TYMS: variants seen among roughly 807,000 people sequenced by gnomAD.
TYMS encodes the protein thymidylate synthetase.
A neutral mutation model predicts 39.3 loss-of-function variants in TYMS; 21 were observed. The observed-to-expected ratio is 0.54, with a 90% CI of 0.38 to 0.77. The LOEUF is 0.77. Among genes scored for constraint, TYMS ranks in the 30% least tolerant of loss-of-function variants. The pLI is 0.00. For synonymous variants in TYMS, 171 were observed against 162.2 expected, an observed-to-expected ratio of 1.05 and a Z score of -0.41; for missense variants, 273 against 406.7, an observed-to-expected ratio of 0.67 and a Z score of 2.83.
Position 658,215 on chromosome 18 carries a change from C to T in TYMS, c.205+268C>T, listed in dbSNP as rs2074713221. 1 of 1,521,410 alleles carries T rather than the reference C, an allele frequency of 6.6e-7. No individual in the cohort carries two copies. Among genetic ancestry groups the T allele is most frequent in the Non-Finnish European group, 8.9e-7 (1 of 1,127,824 alleles). The allele number at this position is 1,521,410 out of a possible 1,614,324, so 94.2% of individuals were successfully genotyped here. A position where few individuals can be genotyped will look rare whatever the true frequency, so the allele number is the denominator to read the frequency against. Reference sequence around the variant, plus strand: ...TCCGCGGCCGGGCTCGCAGTCGCCCCAGTGATGCCGTGGCCCCCGAGGCGG... The same window carrying T: ...TCCGCGGCCGGGCTCGCAGTCGCCCTAGTGATGCCGTGGCCCCCGAGGCGG... On this transcript the variant is annotated intron_variant, in intron 1 of 6. Transcript: ENST00000323274. This position sits in a 1 kb window ranked among gnomAD's most constrained non-coding sequence, Gnocchi z 4.5.
Position 658,535 on chromosome 18 carries a change from AGT to A in TYMS, c.205+589_205+590del, listed in dbSNP as rs2074719678. 1 of 214,506 alleles carries A rather than the reference AGT, an allele frequency of 4.7e-6. No homozygotes were observed. Among genetic ancestry groups the A allele is most frequent in the African/African-American group, 5.8e-5 (1 of 17,204 alleles). The allele number at this position is 214,506 out of a possible 1,614,324, so 13.3% of individuals were successfully genotyped here. A position where few individuals can be genotyped will look rare whatever the true frequency, so the allele number is the denominator to read the frequency against. ...TTGAAAAGAGAAATTCGGGAGTTCG[AGT>A]ATAAGTTCTTAGTCGTCCTTTCCTC... On this transcript the variant is annotated intron_variant, in intron 1 of 6. Transcript: ENST00000323274. This position sits in a 1 kb window ranked among gnomAD's most constrained non-coding sequence, Gnocchi z 4.5.
Position 662,760 on chromosome 18 carries a change from C to T in TYMS, c.454+440C>T, listed in dbSNP as rs1450805027. ...ATTCCCACCTATGAGTGAGAATATG[C>T]AGTGTTTGGTTTTTTGTTCTTGCGA... On this transcript the variant is annotated intron_variant, in intron 3 of 6. Coordinates refer to ENST00000323274, the MANE Select transcript of TYMS (RefSeq NM_001071.4). 6.7e-4 allele frequency among the ~76,000 whole-genome samples: 101 copies of T among 150,680 alleles called. 1 individual carries two copies. Among genetic ancestry groups the T allele is most frequent in the African/African-American group, 2.0e-3 (80 of 40,856 alleles).
intron 3 of TYMS, among the ~76,000 whole-genome samples, chr18:666,215 C>T (rs370963908): frequency 4.6e-5 from 7 of 151,156 alleles, no homozygotes; most frequent in African/African-American, 1.5e-4. Context: ...ACTGTGTCAT[C>T]GGCAGATAGC....
Position 662,235 on chromosome 18 carries a change from C to T in TYMS, c.369C>T (p.Phe123=), listed in dbSNP as rs1441618322. Residue 123 remains phenylalanine, a synonymous_variant, in exon 3 of 7, where the codon TTC becomes TTT. Coordinates refer to ENST00000323274, the MANE Select transcript of TYMS (RefSeq NM_001071.4). ...GAGACTTTTTGGACAGCCTGGGATT[C>T]TCCACCAGAGAAGAAGGGGACTTGG... ...GSRDFLDSLG[F]STREEGDLGP... 6.2e-7 allele frequency: 1 copy of T among 1,613,960 alleles called. No individual in the cohort carries two copies. The highest frequency in any genetic ancestry group is 1.3e-5 in the African/African-American group (1 of 74,922).
Position 669,071 on chromosome 18 carries a change from G to T in TYMS, c.455-1G>T. 6.2e-7 allele frequency: 1 copy of T among 1,613,112 alleles called. No homozygotes were observed. Among genetic ancestry groups the T allele is most frequent in the Non-Finnish European group, 8.5e-7 (1 of 1,179,070 alleles). ...GTCCTCTCTTTTTGACAATTCTACA[G>T]ATTATTCAGGACAGGGAGTTGACCA... is the stretch of plus-strand genomic sequence containing the variant. On this transcript the variant is annotated splice_acceptor_variant, in intron 3 of 6. Transcript: ENST00000323274. LOFTEE classifies it high-confidence loss of function.
At position 665,851 on chromosome 18, in the gene TYMS, CTA is replaced by C. The variant is rs1190366605; in HGVS notation, c.455-3220_455-3219del. Among the ~76,000 whole-genome samples, 2 of 97,888 alleles carry C rather than the reference CTA, an allele frequency of 2.0e-5. 1 individual carries two copies. Among genetic ancestry groups the C allele is most frequent in the Non-Finnish European group, 3.8e-5 (2 of 52,864 alleles). The allele number at this position is 97,888 out of a possible 152,430, so 64.2% of individuals were successfully genotyped here. ...TGAGTGAGTTTCTTAGTTCTGAGTT[CTA>C]GTTTGATTGCACTGTGGTCTGAGAG... On this transcript the variant is annotated intron_variant, in intron 3 of 6. Coordinates refer to ENST00000323274, the MANE Select transcript of TYMS (RefSeq NM_001071.4).
chr18:659,014 A>T (rs2074727252), intron 1 of TYMS, among the ~76,000 whole-genome samples: 1 of 152,154 alleles, frequency 6.6e-6, no homozygotes, highest in South Asian at 2.1e-4. Flanking sequence ...GCCTTTGATG[A>T]GCCATAGACC....
At chr18:669,982 C>CAAA (rs1567993155) in intron 4 of TYMS, among the ~76,000 whole-genome samples, 1 of 150,630 alleles carries the variant, frequency 6.6e-6, no homozygotes, top group African/African-American at 2.4e-5. Flanking sequence ...ACAACAACAA[C>CAAA]AAAACTCTAT....
At chr18:665,354 T>A (rs201810834) in intron 3 of TYMS, among the ~76,000 whole-genome samples, 1 of 146,170 alleles carries the variant, frequency 6.8e-6, no homozygotes, top group Non-Finnish European at 1.5e-5. Context: ...TCTGTGGGAT[T>A]GGTGGTGATA....
intron 5 of TYMS, 107 bp downstream of exon 5, chr18:670,974 AT>A: frequency 1.5e-6 from 2 of 1,328,420 alleles, no homozygotes; most frequent in Non-Finnish European, 2.1e-6. Context: ...TAGCTTTTAA[AT>A]TTGATATGTG....
intron 3 of TYMS, among the ~76,000 whole-genome samples, chr18:667,487 T>A (rs899791245): frequency 1.0e-4 from 3 of 28,992 alleles, no homozygotes; most frequent in African/African-American, 5.8e-4. Context: ...ATGGTGATGG[T>A]GATGGTGATG....
In TYMS at chr18:657,681, ACTTGGCCTGCCTCCGTCCCGCCGCG is replaced by A; in HGVS notation, c.-60_-36del. On this transcript the variant is annotated 5_prime_UTR_variant, in exon 1 of 7. Coordinates refer to ENST00000323274, the MANE Select transcript of TYMS (RefSeq NM_001071.4). Reference sequence around the variant, plus strand: ...TGGCCTGCCTCCGTCCCGCCGCGCCACTTGGCCTGCCTCCGTCCCGCCGCGCCACTTCGCCTGCCTCCGTCCCCCG... The same window carrying A: ...TGGCCTGCCTCCGTCCCGCCGCGCCACCACTTCGCCTGCCTCCGTCCCCCG... 1 of 1,198,680 alleles carries A rather than the reference ACTTGGCCTGCCTCCGTCCCGCCGCG, an allele frequency of 8.3e-7. No homozygotes were observed. Among genetic ancestry groups the A allele is most frequent in the Non-Finnish European group, 1.1e-6 (1 of 935,388 alleles). The allele number at this position is 1,198,680 out of a possible 1,614,324, so 74.3% of individuals were successfully genotyped here.
chr18:659,795 GC>G, intron 2 of TYMS, 81 bp downstream of exon 2: 1 of 1,283,768 alleles, frequency 7.8e-7, no homozygotes, highest in Non-Finnish European at 1.1e-6. Context: ...ACTCAAAGCA[GC>G]CAGGTGTGGT....
intron 5 of TYMS, 142 bp from the exon 6 acceptor site, chr18:671,238 T>C (rs749713038): frequency 4.0e-5 from 27 of 677,792 alleles, no homozygotes; most frequent in Non-Finnish European, 5.5e-5. Flanking sequence ...CAAGATGCTG[T>C]TGCTACAAAA....
At chr18:666,248 G>C (rs1040805713) in intron 3 of TYMS, among the ~76,000 whole-genome samples, 2 of 151,404 alleles carry the variant, frequency 1.3e-5, no homozygotes, top group Non-Finnish European at 2.9e-5. Flanking sequence ...GTTCGTGCTG[G>C]GGAATGGGAA....
In TYMS at chr18:658,081, GTCC is replaced by G; in HGVS notation, c.205+140_205+142del. Reference sequence around the variant, plus strand: ...AATCCTGCGAGGGAGGGGACGCATCGTCCTCCTCGCCTTACAGACGCCGAAACG... The same window carrying G: ...AATCCTGCGAGGGAGGGGACGCATCGTCCTCGCCTTACAGACGCCGAAACG... On this transcript the variant is annotated intron_variant, in intron 1 of 6. Transcript: ENST00000323274. The surrounding 1 kb of genome is among the most constrained non-coding windows in gnomAD (Gnocchi z 4.5). The G allele has an allele frequency of 6.3e-7, 1 of 1,577,196 alleles. No homozygotes were observed. Among genetic ancestry groups the G allele is most frequent in the African/African-American group, 1.3e-5 (1 of 74,142 alleles).
In TYMS at chr18:658,551, C is replaced by G. The variant is rs1320684124; in HGVS notation, c.205+604C>G. 1.4e-5 allele frequency: 4 copies of G among 290,126 alleles called. No homozygotes were observed. Among genetic ancestry groups the G allele is most frequent in the Non-Finnish European group, 2.6e-5 (4 of 152,452 alleles). 18.0% of individuals were successfully genotyped at this position (290,126 alleles called of 1,614,324 possible). On this transcript the variant is annotated intron_variant, in intron 1 of 6. Coordinates refer to ENST00000323274, the MANE Select transcript of TYMS (RefSeq NM_001071.4). The surrounding 1 kb of genome is among the most constrained non-coding windows in gnomAD (Gnocchi z 4.5). ...GGGAGTTCGAGTATAAGTTCTTAGT[C>G]GTCCTTTCCTCTTTCCTTTCCGACA...
chr18:662,582 T>C (rs930670776), intron 3 of TYMS, among the ~76,000 whole-genome samples: 1 of 151,226 alleles, frequency 6.6e-6, no homozygotes, highest in African/African-American at 2.4e-5. Context: ...GTTACATATG[T>C]ATACATGTGC....
chr18:668,636 T>C (rs779631162), intron 3 of TYMS, among the ~76,000 whole-genome samples: 1 of 152,246 alleles, frequency 6.6e-6, no homozygotes, highest in Non-Finnish European at 1.5e-5. Context: ...TACTATATTC[T>C]ACATAAGATA....
Sources: allele counts gnomAD v4.1 joint callset (sites outside exome capture counted in the v4.1 genomes callset), GRCh38; gene constraint gnomAD v4.1.1; non-coding constraint Gnocchi (gnomAD v3.1); transcripts MANE v1.5; gene names NCBI Gene and HGNC (gene_info 2026-07-23, HGNC 2026-07-21).